Variants in KCND2 observed in about 807,000 individuals in gnomAD.
KCND2 encodes the protein potassium voltage-gated channel subfamily D member 2.
A neutral mutation model predicts 54.4 loss-of-function variants in KCND2; 16 were observed. The observed-to-expected ratio is 0.29, with a 90% confidence interval of 0.20 to 0.45. KCND2 has a LOEUF of 0.45. KCND2 is among the 20% of genes least tolerant of loss of function. KCND2 has a pLI of 1.00. For missense variants in KCND2, 486 were observed against 824.2 expected, an observed-to-expected ratio of 0.59 and a Z score of 5.02; for synonymous variants, 317 against 310.7, an observed-to-expected ratio of 1.02 and a Z score of -0.21.
At chr7:120,570,060 A>G (rs986809116) in intron 1 of KCND2, among the ~76,000 whole-genome samples, 1 of 152,186 alleles carries the variant, frequency 6.6e-6, no homozygotes, top group Non-Finnish European at 1.5e-5. Context: ...TTGTGTAAAT[A>G]TTTATTTTTA....
At chr7:120,623,067 G>A (rs1006799755) in intron 1 of KCND2, among the ~76,000 whole-genome samples, 6 of 152,176 alleles carry the variant, frequency 3.9e-5, no homozygotes, top group African/African-American at 4.8e-5. Flanking sequence ...TTTAAACAAA[G>A]GTAATAGACA....
At chr7:120,339,594 C>T (rs1380182285) in intron 1 of KCND2, among the ~76,000 whole-genome samples, 1 of 151,832 alleles carries the variant, frequency 6.6e-6, no homozygotes, top group Non-Finnish European at 1.5e-5. Flanking sequence ...TTATGCTTCA[C>T]TATTTTATAT....
At chr7:120,570,111 T>C (rs1792344309) in intron 1 of KCND2, among the ~76,000 whole-genome samples, 1 of 152,210 alleles carries the variant, frequency 6.6e-6, no homozygotes, top group Non-Finnish European at 1.5e-5. Context: ...TAACTTCTGT[T>C]TGAACATAAT....
At chr7:120,669,181 G>A (rs1484842399) in intron 1 of KCND2, among the ~76,000 whole-genome samples, 1 of 152,056 alleles carries the variant, frequency 6.6e-6, no homozygotes, top group African/African-American at 2.4e-5. Context: ...ATAGTCTAGC[G>A]TCATTATCTC....
In KCND2 at chr7:120,328,855, A is replaced by C. The variant is rs538309914; in HGVS notation, c.1115+53108A>C. Reference sequence around the variant, plus strand: ...CAAGTTAGCAGATGATATTTCAATAAACATATATTTAATAATGATGAAACT... The same window carrying C: ...CAAGTTAGCAGATGATATTTCAATACACATATATTTAATAATGATGAAACT... On this transcript the variant is annotated intron_variant, in intron 1 of 5. Transcript: ENST00000331113. 5.9e-5 allele frequency among the ~76,000 whole-genome samples: 9 copies of C among 152,290 alleles called. No homozygotes were observed. The Middle Eastern group carries it at 0.014, about 230-fold the overall frequency.
intron 1 of KCND2, among the ~76,000 whole-genome samples, chr7:120,536,164 A>C (rs931151828): frequency 1.3e-5 from 2 of 152,208 alleles, no homozygotes; most frequent in Admixed American, 1.3e-4. Flanking sequence ...TGCATATAAA[A>C]GCTATGTTTA....
At chr7:120,653,405 A>T (rs1283696172) in intron 1 of KCND2, among the ~76,000 whole-genome samples, 4 of 152,060 alleles carry the variant, frequency 2.6e-5, no homozygotes, top group Admixed American at 6.5e-5. Flanking sequence ...TAAAGAAAAG[A>T]TTTGAAACCA....
In KCND2 at chr7:120,742,562, C is replaced by T. The variant is rs1792955806; in HGVS notation, c.1427C>T (p.Thr476Ile). 2 of 1,613,596 alleles carry T rather than the reference C, an allele frequency of 1.2e-6. No individual in the cohort carries two copies. The highest frequency in any genetic ancestry group is 1.7e-6 in the Non-Finnish European group (2 of 1,179,634). Reference protein sequence around the residue: ...FVSKSGSSFETQHHHLLHCLE... With the variant: ...FVSKSGSSFEIQHHHLLHCLE... ...AGCAAATCCGGCTCCAGCTTTGAAA[C>T]CCAGCACCACCACCTGCTTCACTGC... Residue 476 changes from threonine to isoleucine, a missense_variant, in exon 4 of 6, where the codon ACC becomes ATC. By Grantham distance (89) the Thr-to-Ile change is moderately conservative. Around this residue, in one of 7 missense-constraint regions of KCND2, gnomAD observed 202 missense variants for 252.7 expected, o/e 0.80. Transcript: ENST00000331113.
At chr7:120,571,202 T>G (rs576053910) in intron 1 of KCND2, among the ~76,000 whole-genome samples, 2 of 152,338 alleles carry the variant, frequency 1.3e-5, no homozygotes, top group African/African-American at 4.8e-5. Context: ...AGTTCAGCCT[T>G]TACTATATTT....
intron 1 of KCND2, among the ~76,000 whole-genome samples, chr7:120,320,364 G>C (rs1799877362): frequency 6.6e-6 from 1 of 152,080 alleles, no homozygotes; most frequent in African/African-American, 2.4e-5. Flanking sequence ...TCTAAGATTG[G>C]AATGGGCACC....
chr7:120,486,687 G>GT (rs1184762015), intron 1 of KCND2, among the ~76,000 whole-genome samples: 8 of 151,096 alleles, frequency 5.3e-5, no homozygotes, highest in African/African-American at 1.9e-4. Flanking sequence ...CTTGTTTATT[G>GT]TCTTTTTTTT....
chr7:120,689,942 T>A (rs1407403930), intron 1 of KCND2, among the ~76,000 whole-genome samples: 2 of 152,216 alleles, frequency 1.3e-5, no homozygotes, highest in African/African-American at 4.8e-5. Flanking sequence ...TGCTAGTGCC[T>A]GTCTCTCAAA....
chr7:120,484,898 G>A (rs192295654), intron 1 of KCND2, among the ~76,000 whole-genome samples: 48 of 152,084 alleles, frequency 3.2e-4, no homozygotes, highest in African/African-American at 1.1e-3. Context: ...ATTTTTTTAA[G>A]AGACAGGGTC....
At chr7:120,334,378 A>G (rs1800115317) in intron 1 of KCND2, among the ~76,000 whole-genome samples, 1 of 152,212 alleles carries the variant, frequency 6.6e-6, no homozygotes, top group South Asian at 2.1e-4. Context: ...GGATTTTCCA[A>G]AAATTTCAGT....
chr7:120,476,875 C>T (rs2116272178), intron 1 of KCND2, among the ~76,000 whole-genome samples: 1 of 152,280 alleles, frequency 6.6e-6, no homozygotes, highest in East Asian at 1.9e-4. Context: ...GTTTGAGCAT[C>T]ACAATTGACT....
intron 1 of KCND2, among the ~76,000 whole-genome samples, chr7:120,465,211 C>T (rs1042853162): frequency 2.0e-5 from 3 of 152,056 alleles, no homozygotes; most frequent in South Asian, 2.1e-4. Flanking sequence ...AAGTCCACTG[C>T]GCTTGTCTCA....
At chr7:120,691,708 G>A (rs950991140) in intron 1 of KCND2, among the ~76,000 whole-genome samples, 20 of 152,060 alleles carry the variant, frequency 1.3e-4, no homozygotes, top group Admixed American at 3.9e-4. Flanking sequence ...ACACATTTAG[G>A]CATCATCCAG....
intron 1 of KCND2, among the ~76,000 whole-genome samples, chr7:120,548,631 C>A (rs1316914220): frequency 6.6e-6 from 1 of 152,132 alleles, no homozygotes; most frequent in Non-Finnish European, 1.5e-5. Flanking sequence ...GTACAATGTG[C>A]ACATTTCATA....
intron 1 of KCND2, among the ~76,000 whole-genome samples, chr7:120,458,899 G>T (rs913459915): frequency 2.8e-4 from 42 of 150,186 alleles, no homozygotes; most frequent in African/African-American, 1.0e-3. Context: ...TAGGAGACCA[G>T]GTAGGAAGTA....
Sources: gnomAD v4.1 joint callset for allele counts (sites outside exome capture counted in the v4.1 genomes callset) on GRCh38, gnomAD v4.1.1 for gene constraint, gnomAD v4.1.1 regional missense constraint, MANE v1.5 for transcripts, NCBI Gene and HGNC (gene_info 2026-07-23, HGNC 2026-07-21) for gene names.